Variants in LRFN2 observed in about 807,000 individuals in gnomAD.
LRFN2 encodes the protein leucine-rich repeat and fibronectin type-III domain-containing protein 2.
LRFN2 carries 18 observed loss-of-function variants against 37.3 expected under a neutral mutation model. The observed-to-expected ratio is 0.48, with a 90% CI of 0.33 to 0.72. The LOEUF is 0.72. LRFN2 is among the 30% of genes least tolerant of loss of function. The pLI is 0.02. For synonymous variants in LRFN2, 556 were observed against 466.6 expected (o/e 1.19, Z -2.47); for missense variants, 1,006 against 1,060.7 (o/e 0.95, Z 0.72).
At chr6:40,461,489 C>T (rs559618287) in intron 1 of LRFN2, among the ~76,000 whole-genome samples, 30 of 152,032 alleles carry the variant, frequency 2.0e-4, no homozygotes, top group African/African-American at 5.8e-4. Flanking sequence ...TTCATTCCTT[C>T]GCATAGCAAA....
intron 1 of LRFN2, among the ~76,000 whole-genome samples, chr6:40,547,696 C>T (rs1766692531): frequency 6.6e-6 from 1 of 152,044 alleles, no homozygotes; most frequent in Non-Finnish European, 1.5e-5. Context: ...TGAGTTTGGG[C>T]TATTTATCCT....
intron 1 of LRFN2, among the ~76,000 whole-genome samples, chr6:40,476,319 T>C (rs533801202): frequency 1.3e-5 from 2 of 152,240 alleles, no homozygotes; most frequent in Admixed American, 6.5e-5. Flanking sequence ...AAACTTTCTT[T>C]GATAACACAG....
At chr6:40,405,625 T>G (rs1039366936) in intron 2 of LRFN2, among the ~76,000 whole-genome samples, 3 of 152,154 alleles carry the variant, frequency 2.0e-5, no homozygotes, top group African/African-American at 7.2e-5. Flanking sequence ...GCAAACCTCA[T>G]GCAGGCTAGA....
intron 1 of LRFN2, among the ~76,000 whole-genome samples, chr6:40,509,614 G>T (rs1765640719): frequency 6.6e-6 from 1 of 152,030 alleles, no homozygotes; most frequent in Admixed American, 6.5e-5. Context: ...GGCTATGAAG[G>T]TAAGGGGTGA....
At position 40,462,402 on chromosome 6, in the gene LRFN2, A is replaced by C. The variant is rs1764366880; in HGVS notation, c.-18-29271T>G. The stretch of plus-strand genomic sequence containing the variant: ...GGCTGAAGATGCCTCCTCCAGAAGC[A>C]CATGGACTCCATTCTGGGAAACCCC... On this transcript the variant is annotated intron_variant, in intron 1 of 2. Transcript: ENST00000338305. Among the ~76,000 whole-genome samples the C allele has an allele frequency of 2.0e-5, 3 of 152,182 alleles. No individual in the cohort carries two copies. The South Asian group carries it at 6.2e-4, about 32-fold the overall frequency.
At chr6:40,424,387 C>A (rs566517578) in intron 2 of LRFN2, among the ~76,000 whole-genome samples, 5 of 152,176 alleles carry the variant, frequency 3.3e-5, no homozygotes, top group African/African-American at 4.8e-5. Context: ...GGGGCCTTAG[C>A]GAGATGTGCC....
chr6:40,525,186 G>A (rs975713951), intron 1 of LRFN2, among the ~76,000 whole-genome samples: 4 of 152,192 alleles, frequency 2.6e-5, no homozygotes, highest in Non-Finnish European at 5.9e-5. Context: ...GTGATTCCAG[G>A]AGGGGAGCAG....
At chr6:40,445,288 T>G (rs896000891) in intron 1 of LRFN2, among the ~76,000 whole-genome samples, 2 of 152,224 alleles carry the variant, frequency 1.3e-5, no homozygotes, top group African/African-American at 4.8e-5. Context: ...GTGGAGAAAT[T>G]GAAGCCGAGG....
intron 1 of LRFN2, among the ~76,000 whole-genome samples, chr6:40,499,541 G>GA: frequency 6.6e-6 from 1 of 152,308 alleles, no homozygotes; most frequent in Non-Finnish European, 1.5e-5. Context: ...TCCAAGGGAT[G>GA]AAGAGAAAAT....
At chr6:40,522,349 G>C (rs1766102595) in intron 1 of LRFN2, among the ~76,000 whole-genome samples, 1 of 152,146 alleles carries the variant, frequency 6.6e-6, no homozygotes, top group Non-Finnish European at 1.5e-5. Flanking sequence ...GAGTGAGAAG[G>C]CTGAGCATCC....
chr6:40,575,991 C>A (rs1411283720), intron 1 of LRFN2, among the ~76,000 whole-genome samples: 1 of 152,138 alleles, frequency 6.6e-6, no homozygotes, highest in Non-Finnish European at 1.5e-5. Flanking sequence ...TCACAGCAAG[C>A]ATTCAATACC....
At chr6:40,393,955 G>A (rs1279774745) in intron 2 of LRFN2, among the ~76,000 whole-genome samples, 3 of 152,182 alleles carry the variant, frequency 2.0e-5, no homozygotes, top group Non-Finnish European at 2.9e-5. Context: ...CTGCTTAGGG[G>A]TGGAGGGACA....
At chr6:40,505,735 A>T (rs1581758719) in intron 1 of LRFN2, among the ~76,000 whole-genome samples, 1 of 152,074 alleles carries the variant, frequency 6.6e-6, no homozygotes, top group Non-Finnish European at 1.5e-5. Flanking sequence ...TGGCTGTGGG[A>T]CTTTGCCTCA....
intron 1 of LRFN2, among the ~76,000 whole-genome samples, chr6:40,564,777 A>C (rs1767058857): frequency 1.3e-5 from 2 of 152,080 alleles, no homozygotes; most frequent in African/African-American, 4.8e-5. Flanking sequence ...ATGCTTCTTA[A>C]CAGCCCATGA....
intron 1 of LRFN2, among the ~76,000 whole-genome samples, chr6:40,520,008 A>G (rs1055854233): frequency 6.6e-6 from 1 of 152,136 alleles, no homozygotes; most frequent in Non-Finnish European, 1.5e-5. Context: ...GTGCTGGGAC[A>G]ATGTGGCATA....
intron 1 of LRFN2, among the ~76,000 whole-genome samples, chr6:40,527,762 TA>T (rs1180859467): frequency 6.6e-6 from 1 of 152,220 alleles, no homozygotes; most frequent in African/African-American, 2.4e-5. Context: ...ATGCTGTTTT[TA>T]AAATAATTAA....
rs113222292 is a variant in LRFN2, at chr6:40,529,912, T to C, written c.-19+57029A>G. 4.2e-3 allele frequency among the ~76,000 whole-genome samples: 638 copies of C among 152,362 alleles called. 1 individual carries two copies. The highest frequency in any genetic ancestry group is 0.014 in the African/African-American group (600 of 41,576). On this transcript the variant is annotated intron_variant, in intron 1 of 2. Coordinates refer to ENST00000338305, the MANE Select transcript of LRFN2 (RefSeq NM_020737.3). The stretch of plus-strand genomic sequence containing the variant: ...ATTATTATGCTAATTTGAAGGATTC[T>C]TGTTTTTAAACGTCCTCATTTCACA...
intron 2 of LRFN2, among the ~76,000 whole-genome samples, chr6:40,400,110 C>G (rs531548027): frequency 6.6e-6 from 1 of 151,822 alleles, no homozygotes; most frequent in Non-Finnish European, 1.5e-5. Context: ...TCTCTTCTCT[C>G]CCTCCTCCCA....
At chr6:40,552,765 C>T (rs981125752) in intron 1 of LRFN2, among the ~76,000 whole-genome samples, 1 of 152,092 alleles carries the variant, frequency 6.6e-6, no homozygotes, top group African/African-American at 2.4e-5. Context: ...CTCTAATTAC[C>T]CTACCCCAGC....
Sources: gnomAD v4.1 joint callset for allele counts (sites outside exome capture counted in the v4.1 genomes callset) on GRCh38, gnomAD v4.1.1 for gene constraint, MANE v1.5 for transcripts, NCBI Gene and HGNC (gene_info 2026-07-23, HGNC 2026-07-21) for gene names.